CEP152: variants seen among roughly 807,000 people sequenced by gnomAD.
The protein encoded by CEP152 is centrosomal protein of 152 kDa.
CEP152 carries 132 observed loss-of-function variants against 188.9 expected under a neutral mutation model. That is an observed-to-expected ratio of 0.70 (90% CI 0.61 to 0.81). The LOEUF is 0.81. Ranked by LOEUF, CEP152 falls within the 30% of genes least tolerant of loss-of-function variation. The probability of loss-of-function intolerance (pLI) is 0.00; values close to 1 mark genes in which losing one functional copy is unlikely to be tolerated. For missense variants in CEP152, 1,914 were observed against 1,969.8 expected (o/e 0.97, Z 0.54); for synonymous variants, 649 against 666.6 (o/e 0.97, Z 0.41).
intron 20 of CEP152, among the ~76,000 whole-genome samples, chr15:48,755,134 A>C (rs1699402): frequency 0.34 from 51,784 of 151,970 alleles, 12,579 homozygotes; most frequent in African/African-American, 0.65. Flanking sequence ...GGTAGCAAGA[A>C]TTTGGTTTTA....
At chr15:48,744,807 A>G (rs1893283964) in intron 23 of CEP152, 89 bp downstream of exon 23, 1 of 1,234,728 alleles carries the variant, frequency 8.1e-7, no homozygotes, top group Non-Finnish European at 1.1e-6. Flanking sequence ...TTTTTGCTGT[A>G]TAACAAAAAA....
intron 5 of CEP152, among the ~76,000 whole-genome samples, chr15:48,796,778 C>T (rs113386498): frequency 7.7e-4 from 118 of 152,260 alleles, no homozygotes; most frequent in African/African-American, 2.7e-3. Context: ...AACTCCCCCC[C>T]AGGAAAAACA....
chr15:48,782,258 C>A, intron 10 of CEP152, 28 bp from the exon 11 acceptor site: 4 of 1,600,836 alleles, frequency 2.5e-6, no homozygotes, highest in Non-Finnish European at 3.4e-6. Flanking sequence ...ATAGGATATA[C>A]TGAAAAAATT....
chr15:48,753,407 A>C (rs867938212), intron 20 of CEP152, among the ~76,000 whole-genome samples: 1 of 152,240 alleles, frequency 6.6e-6, no homozygotes, highest in Non-Finnish European at 1.5e-5. Context: ...TGGTATGGAG[A>C]AAGTAGTCTT....
intron 26 of CEP152, among the ~76,000 whole-genome samples, chr15:48,739,684 C>G (rs1225630472): frequency 6.6e-6 from 1 of 152,124 alleles, no homozygotes; most frequent in Non-Finnish European, 1.5e-5. Flanking sequence ...GAACCCCACC[C>G]ACCCAATACC....
rs976939972 is a variant in CEP152 at position 48,762,242 on chromosome 15, A to T, written c.2562+149T>A. 24 of 764,740 alleles carry T rather than the reference A, an allele frequency of 3.1e-5. No individual in the cohort carries two copies. In the African/African-American group the frequency reaches 4.2e-4, roughly 13 times the overall value. The allele number at this position is 764,740 out of a possible 1,614,324, so 47.4% of individuals were successfully genotyped here. A position where few individuals can be genotyped will look rare whatever the true frequency, so the allele number is the denominator to read the frequency against. On this transcript the variant is annotated intron_variant, in intron 18 of 26. Coordinates refer to ENST00000380950, the MANE Select transcript of CEP152 (RefSeq NM_001194998.2). Reference sequence around the variant, plus strand: ...TATGACAGAAATATTATGAAGAAAAATTTAGGAACATGACAGGTTTTCTAT... The same window carrying T: ...TATGACAGAAATATTATGAAGAAAATTTTAGGAACATGACAGGTTTTCTAT...
At chr15:48,732,494 C>T (rs190704211) in intron 2 of CEP152, among the ~76,000 whole-genome samples, 137 of 151,946 alleles carry the variant, frequency 9.0e-4, no homozygotes, top group African/African-American at 3.2e-3. Flanking sequence ...GGGAGCTGAA[C>T]ATTGGGAACA....
intron 21 of CEP152, among the ~76,000 whole-genome samples, chr15:48,752,142 G>C (rs1457605194): frequency 6.6e-6 from 1 of 152,142 alleles, no homozygotes; most frequent in Non-Finnish European, 1.5e-5. Flanking sequence ...AATCAGTTGT[G>C]AATGAAGGGA....
chr15:48,764,992 TA>T (rs140015676), intron 17 of CEP152, among the ~76,000 whole-genome samples: 2,214 of 140,428 alleles, frequency 0.016, 14 homozygotes, highest in South Asian at 0.044. Context: ...ACATTTCCTT[TA>T]AAAAAAAAAA....
rs370094750 is a variant in CEP152 at position 48,785,919 on chromosome 15, AAGAGAG to A, written c.1174-1805_1174-1800del. Among the ~76,000 whole-genome samples the A allele has an allele frequency of 1.2e-4, 11 of 88,994 alleles. 1 individual carries two copies. The highest frequency in any genetic ancestry group is 1.2e-3 in the East Asian group (2 of 1,736). The allele number at this position is 88,994 out of a possible 152,430, so 58.4% of individuals were successfully genotyped here. On this transcript the variant is annotated intron_variant, in intron 9 of 26. Coordinates refer to ENST00000380950, the MANE Select transcript of CEP152 (RefSeq NM_001194998.2). ...AGACTCCATCTCAAAAAAAAAAAAA[AAGAGAG>A]AGAGAGAGAGAGAGATGATAGAGAT...
chr15:48,764,608 C>A (rs1377389428), intron 17 of CEP152, among the ~76,000 whole-genome samples: 1 of 152,182 alleles, frequency 6.6e-6, no homozygotes, highest in African/African-American at 2.4e-5. Flanking sequence ...GCCTTGTCTG[C>A]AAATTCATAG....
At chr15:48,749,629 A>C (rs1893729382) in intron 21 of CEP152, among the ~76,000 whole-genome samples, 1 of 152,084 alleles carries the variant, frequency 6.6e-6, no homozygotes, top group Non-Finnish European at 1.5e-5. Flanking sequence ...CACAACCTGA[A>C]TCAACCATGA....
downstream of CEP152, among the ~76,000 whole-genome samples, chr15:48,734,850 T>A (rs1892544966): frequency 6.6e-6 from 1 of 152,156 alleles, no homozygotes. Flanking sequence ...TATATATACC[T>A]AACAACAAAG....
rs1363002375 is a variant in CEP152, at chr15:48,756,183, T to C, written c.3065A>G (p.Gln1022Arg). The change falls in exon 20 of 27, where the codon CAG (glutamine) becomes CGG (arginine). Residue 1022 changes from glutamine to arginine, a missense_variant. Transcript: ENST00000380950. Reference sequence around the variant, plus strand: ...CTGCATAGTCCATTCTCTACGACTCTGGTCTAGACAAGTTTGTAATTCTGT... The same window carrying C: ...CTGCATAGTCCATTCTCTACGACTCCGGTCTAGACAAGTTTGTAATTCTGT... ...KETELQTCLDQSRREWTMQEA... is the reference protein window; with the variant it reads ...KETELQTCLDRSRREWTMQEA... 4.3e-6 allele frequency: 7 copies of C among 1,614,060 alleles called. No individual in the cohort carries two copies. The East Asian group carries it at 8.9e-5, about 21-fold the overall frequency.
At chr15:48,805,230 C>T (rs1242832950) in intron 2 of CEP152, among the ~76,000 whole-genome samples, 3 of 152,206 alleles carry the variant, frequency 2.0e-5, no homozygotes, top group South Asian at 2.1e-4. Flanking sequence ...AAGCAAAGAG[C>T]CTTGTCAGAC....
In CEP152 at chr15:48,769,074, G is replaced by A. The variant is rs763380834; in HGVS notation, c.1790C>T (p.Thr597Ile). The A allele has an allele frequency of 1.1e-5, 17 of 1,604,530 alleles. No homozygotes were observed. In the South Asian group the frequency reaches 1.9e-4, roughly 18 times the overall value. ...DEKSIEVETK[T>I]DTSEKPKNQL... is the part of the protein sequence containing the mutation. ...ATTCTTTGGTTTTTCTGAGGTATCT[G>A]TTTTAGTCTGAATATTAAAAGGTCA... The change falls in exon 14 of 27, where the codon ACA becomes ATA. Residue 597 changes from threonine to isoleucine, a missense_variant. Thr to Ile is a moderately conservative substitution (Grantham distance 89, BLOSUM62 -1). Coordinates refer to ENST00000380950, the MANE Select transcript of CEP152 (RefSeq NM_001194998.2).
chr15:48,757,970 T>A (rs142045118), intron 19 of CEP152, among the ~76,000 whole-genome samples: 1 of 152,238 alleles, frequency 6.6e-6, no homozygotes, highest in African/African-American at 2.4e-5. Flanking sequence ...TTTTCTCATG[T>A]GAAGTTTTAC....
At chr15:48,749,899 T>A (rs1305371594) in intron 21 of CEP152, among the ~76,000 whole-genome samples, 10 of 151,986 alleles carry the variant, frequency 6.6e-5, no homozygotes, top group Non-Finnish European at 1.2e-4. Context: ...CAACAGTAGA[T>A]TAATACAATA....
rs762735550 is a variant in CEP152 at position 48,739,042 on chromosome 15, T to A, written c.4340A>T (p.Asp1447Val). Residue 1447 changes from aspartate to valine, a missense_variant, in exon 27 of 27, where the codon GAT becomes GTT. Transcript: ENST00000380950. ...ACTGTTTAGGTGCTTGCAACTACCA[T>A]CCCCAAACTGGAATTCCAAATGTGT... is the stretch of plus-strand genomic sequence containing the variant. ...KETHLEFQFG[D>V]GSCKHLNSLP... The A allele has an allele frequency of 2.5e-6, 4 of 1,614,172 alleles. No individual in the cohort carries two copies. The African/African-American group carries it at 5.3e-5, about 22-fold the overall frequency.
Sources: gnomAD v4.1 joint callset for allele counts (sites outside exome capture counted in the v4.1 genomes callset) on GRCh38, gnomAD v4.1.1 for gene constraint, MANE v1.5 for transcripts, NCBI Gene and HGNC (gene_info 2026-07-23, HGNC 2026-07-21) for gene names.